PARVA: variants seen among roughly 807,000 people sequenced by gnomAD.
The protein encoded by PARVA is parvin alpha, also known as alpha-parvin.
Under a neutral mutation model 52.6 loss-of-function variants are expected in PARVA, and 25 were observed. The observed-to-expected ratio is 0.48, with a 90% confidence interval of 0.35 to 0.66. PARVA has a LOEUF of 0.66. Ranked by LOEUF, PARVA falls within the 30% of genes least tolerant of loss-of-function variation. The pLI is 0.01. For synonymous variants in PARVA, 185 were observed against 179.1 expected (o/e 1.03, Z -0.26); for missense variants, 373 against 450.9 (o/e 0.83, Z 1.56).
chr11:12,422,771 A>T (rs1206121171), intron 1 of PARVA, among the ~76,000 whole-genome samples: 3 of 152,154 alleles, frequency 2.0e-5, no homozygotes, highest in Non-Finnish European at 1.5e-5. Context: ...AGATTTTATT[A>T]TTATTTTGGA....
chr11:12,496,340 T>TTGTAAGAGTGCATGCA, intron 4 of PARVA, 118 bp from the exon 5 acceptor site: 4 of 394,048 alleles, frequency 1.0e-5, no homozygotes, highest in Non-Finnish European at 1.5e-5. Flanking sequence ...GTATCTATTG[T>TTGTAAGAGTGCATGCA]TGCAAGAGTG....
intron 1 of PARVA, among the ~76,000 whole-genome samples, chr11:12,423,352 T>G (rs1425710025): frequency 1.5e-4 from 3 of 20,456 alleles, no homozygotes; most frequent in Non-Finnish European, 3.5e-4. Flanking sequence ...CTAATTTTTG[T>G]TTTTTTTTTT....
intron 1 of PARVA, among the ~76,000 whole-genome samples, chr11:12,422,730 T>G (rs1376804210): frequency 6.6e-6 from 1 of 152,240 alleles, no homozygotes; most frequent in Non-Finnish European, 1.5e-5. Context: ...GTCTCATTAC[T>G]GATGACAATA....
intron 1 of PARVA, among the ~76,000 whole-genome samples, chr11:12,437,878 A>G (rs1940408647): frequency 1.3e-5 from 2 of 152,210 alleles, no homozygotes; most frequent in African/African-American, 4.8e-5. Flanking sequence ...TGAAGCATTC[A>G]TCATGGAGTT....
chr11:12,534,774 G>A lies in PARVA; in HGVS notation c.*6849G>A, dbSNP rs967539908. Among the ~76,000 whole-genome samples the A allele has an allele frequency of 1.3e-5, 2 of 152,220 alleles. No individual in the cohort carries two copies. The highest frequency in any genetic ancestry group is 4.8e-5 in the African/African-American group (2 of 41,456). On this transcript the variant is annotated 3_prime_UTR_variant, in exon 13 of 13. Coordinates refer to ENST00000334956, the MANE Select transcript of PARVA (RefSeq NM_018222.5). Reference sequence around the variant, plus strand: ...TCTCTGGCTGCTATGTGTCTTCCTGGAAACCCTGTCAAAGGCCTTACCGCC... The same window carrying A: ...TCTCTGGCTGCTATGTGTCTTCCTGAAAACCCTGTCAAAGGCCTTACCGCC...
At position 12,449,168 on chromosome 11, in the gene PARVA, A is replaced by AT. The variant is rs1408512615; in HGVS notation, c.137-24571dup. Among the ~76,000 whole-genome samples, 7 of 151,620 alleles carry AT rather than the reference A, an allele frequency of 4.6e-5. No individual in the cohort carries two copies. In the East Asian group the frequency reaches 7.7e-4, roughly 17 times the overall value. On this transcript the variant is annotated intron_variant, in intron 1 of 12. Transcript: ENST00000334956. ...TTTATTTATTTTTATTTTATTTTAT[A>AT]TTTTTTGGAGACAGTCTCCCCGTCG...
At chr11:12,527,779 G>A (rs2135094121) in intron 12 of PARVA, 70 bp from the exon 13 acceptor site, 2 of 1,150,974 alleles carry the variant, frequency 1.7e-6, no homozygotes, top group South Asian at 2.5e-5. Context: ...TGGAAGGGAG[G>A]GGCAGTGTAT....
intron 1 of PARVA, among the ~76,000 whole-genome samples, chr11:12,424,224 T>G (rs1940194216): frequency 6.6e-6 from 1 of 152,242 alleles, no homozygotes; most frequent in African/African-American, 2.4e-5. Context: ...CATTGCCTTT[T>G]CTAACTTCAT....
intron 1 of PARVA, among the ~76,000 whole-genome samples, chr11:12,403,529 G>GGTAT (rs1939859077): frequency 1.3e-5 from 2 of 152,222 alleles, no homozygotes; most frequent in Admixed American, 6.5e-5. Flanking sequence ...AAATACTTGA[G>GGTAT]GTATGTGCTC....
At chr11:12,517,589 A>G (rs746319571) in intron 10 of PARVA, 21 bp from the exon 11 acceptor site, 2 of 1,547,610 alleles carry the variant, frequency 1.3e-6, no homozygotes, top group South Asian at 2.4e-5. Context: ...GGCCAGTGCC[A>G]TCACCTGGCT....
At chr11:12,466,229 A>G (rs1409417510) in intron 1 of PARVA, among the ~76,000 whole-genome samples, 3 of 152,018 alleles carry the variant, frequency 2.0e-5, no homozygotes, top group Non-Finnish European at 4.4e-5. Flanking sequence ...TATTTTGCAA[A>G]TATTTTCTCT....
At chr11:12,469,742 A>G (rs1940906664) in intron 1 of PARVA, among the ~76,000 whole-genome samples, 1 of 152,204 alleles carries the variant, frequency 6.6e-6, no homozygotes, top group Non-Finnish European at 1.5e-5. Flanking sequence ...TGAAAAAAAC[A>G]TTTCCAATTG....
At chr11:12,462,040 CTT>C (rs1419133209) in intron 1 of PARVA, among the ~76,000 whole-genome samples, 1 of 152,090 alleles carries the variant, frequency 6.6e-6, no homozygotes, top group Non-Finnish European at 1.5e-5. Flanking sequence ...TAAAACTTCT[CTT>C]GTTTAAGGGA....
At chr11:12,466,943 C>T (rs1477243089) in intron 1 of PARVA, among the ~76,000 whole-genome samples, 2 of 152,090 alleles carry the variant, frequency 1.3e-5, no homozygotes, top group Non-Finnish European at 2.9e-5. Flanking sequence ...GTGATTTTGA[C>T]TGAGATTAAC....
intron 1 of PARVA, among the ~76,000 whole-genome samples, chr11:12,409,697 CAG>C (rs1237154428): frequency 6.6e-6 from 1 of 152,182 alleles, no homozygotes; most frequent in East Asian, 1.9e-4. Context: ...CTAGAGCCCT[CAG>C]AACGGAATGC....
At chr11:12,395,839 A>G (rs1589941241) in intron 1 of PARVA, among the ~76,000 whole-genome samples, 1 of 152,214 alleles carries the variant, frequency 6.6e-6, no homozygotes, top group African/African-American at 2.4e-5. Flanking sequence ...TCCTAAATCA[A>G]TATTTTGGAG....
intron 1 of PARVA, among the ~76,000 whole-genome samples, chr11:12,386,690 G>C (rs1939576513): frequency 6.6e-6 from 1 of 152,218 alleles, no homozygotes; most frequent in Non-Finnish European, 1.5e-5. Context: ...ATCTTAGACA[G>C]ATCTCTTCCC....
intron 1 of PARVA, among the ~76,000 whole-genome samples, chr11:12,395,261 A>T (rs76634117): frequency 0.02 from 3,062 of 152,310 alleles, 110 homozygotes; most frequent in African/African-American, 0.07. Flanking sequence ...AATTTAAAAA[A>T]AAAGACTTTA....
chr11:12,449,613 T>C (rs1157696242), intron 1 of PARVA, among the ~76,000 whole-genome samples: 2 of 152,212 alleles, frequency 1.3e-5, no homozygotes, highest in Non-Finnish European at 2.9e-5. Flanking sequence ...TCTCTGTATG[T>C]GGTACTTCCC....
Sources: gnomAD v4.1 joint callset for allele counts (sites outside exome capture counted in the v4.1 genomes callset) on GRCh38, gnomAD v4.1.1 for gene constraint, MANE v1.5 for transcripts, NCBI Gene and HGNC (gene_info 2026-07-23, HGNC 2026-07-21) for gene names.